Variants in CAST observed in about 807,000 individuals in gnomAD.
The protein encoded by CAST is calpastatin.
CAST carries 76 observed loss-of-function variants against 119.6 expected under a neutral mutation model. That is an observed-to-expected ratio of 0.64 (90% CI 0.53 to 0.77). The LOEUF is 0.77. CAST is among the 30% of genes least tolerant of loss of function. CAST has a pLI of 0.00. For missense variants in CAST, 953 were observed against 946.5 expected, an observed-to-expected ratio of 1.01 and a Z score of -0.09; for synonymous variants, 319 against 331.6, an observed-to-expected ratio of 0.96 and a Z score of 0.41.
At chr5:96,066,325 T>C in the CAST span, among the ~76,000 whole-genome samples, 1 of 152,140 alleles carries the variant, frequency 6.6e-6, no homozygotes, top group South Asian at 2.1e-4. Context: ...GACTCTCTTT[T>C]CCCCATTGTC....
At chr5:96,245,145 T>G in the CAST span, among the ~76,000 whole-genome samples, 2 of 152,230 alleles carry the variant, frequency 1.3e-5, no homozygotes, top group Non-Finnish European at 2.9e-5. Context: ...TAGAAAACTT[T>G]CTAAATTCTA....
the CAST span, among the ~76,000 whole-genome samples, chr5:96,256,913 T>C: frequency 6.6e-6 from 1 of 152,166 alleles, no homozygotes; most frequent in African/African-American, 2.4e-5. Context: ...GGTTATTTAA[T>C]TGATGACACT....
intron 1 of CAST, among the ~76,000 whole-genome samples, chr5:96,545,843 T>C (rs1364224448): frequency 6.6e-6 from 1 of 152,240 alleles, no homozygotes; most frequent in Non-Finnish European, 1.5e-5. Context: ...TGAATGTCCT[T>C]TGATAACCAT....
the CAST span, among the ~76,000 whole-genome samples, chr5:96,421,181 C>T: frequency 6.6e-6 from 1 of 152,210 alleles, no homozygotes; most frequent in African/African-American, 2.4e-5. Context: ...CTTTCTTTCA[C>T]CTCTCCCTTT....
intron 3 of CAST, among the ~76,000 whole-genome samples, chr5:96,721,427 C>T (rs544290940): frequency 1.6e-4 from 24 of 152,070 alleles, no homozygotes; most frequent in Non-Finnish European, 2.8e-4. Flanking sequence ...TTCATACAAT[C>T]ACCTTGAGTG....
intron 2 of CAST, among the ~76,000 whole-genome samples, chr5:96,686,169 CTTT>C (rs11357771): frequency 6.7e-6 from 1 of 149,410 alleles, no homozygotes; most frequent in African/African-American, 2.5e-5. Context: ...TTGATTATTC[CTTT>C]TTTTTTTCAC....
At chr5:96,429,043 T>C in the CAST span, among the ~76,000 whole-genome samples, 1 of 152,130 alleles carries the variant, frequency 6.6e-6, no homozygotes, top group African/African-American at 2.4e-5. Flanking sequence ...CTTGTTATTA[T>C]TATGTGCCAT....
the CAST span, among the ~76,000 whole-genome samples, chr5:95,964,197 T>C: frequency 6.6e-6 from 1 of 152,342 alleles, no homozygotes; most frequent in African/African-American, 2.4e-5. Context: ...TGTCTTTTCA[T>C]TGATGTCTCA....
At chr5:96,107,470 C>T in the CAST span, among the ~76,000 whole-genome samples, 1 of 151,814 alleles carries the variant, frequency 6.6e-6, no homozygotes, top group South Asian at 2.1e-4. Context: ...TTTTATTTCT[C>T]CTTCACTTAT....
At chr5:96,547,332 T>A (rs73150282) in intron 1 of CAST, among the ~76,000 whole-genome samples, 1 of 152,104 alleles carries the variant, frequency 6.6e-6, no homozygotes, top group South Asian at 2.1e-4. Flanking sequence ...TAACTCCCAG[T>A]TCCAGGCTGA....
chr5:96,099,811 T>G, the CAST span, among the ~76,000 whole-genome samples: 1 of 152,070 alleles, frequency 6.6e-6, no homozygotes, highest in Non-Finnish European at 1.5e-5. Context: ...CTCTGCCAGG[T>G]TTTGGTATCA....
the CAST span, among the ~76,000 whole-genome samples, chr5:96,272,295 G>T: frequency 6.6e-6 from 1 of 152,084 alleles, no homozygotes; most frequent in Admixed American, 6.5e-5. Flanking sequence ...ATATATTGAA[G>T]ATATCTCTGT....
At chr5:96,410,766 C>A in the CAST span, 1 of 1,608,996 alleles carries the variant, frequency 6.2e-7, no homozygotes, top group Admixed American at 1.7e-5. Flanking sequence ...TAGACAAAAG[C>A]AACATACGAT....
chr5:96,637,761 A>G (rs1747903475), intron 1 of CAST, among the ~76,000 whole-genome samples: 2 of 152,304 alleles, frequency 1.3e-5, no homozygotes, highest in South Asian at 2.1e-4. Context: ...TTTGGGCAAA[A>G]CAATGTCTTA....
At chr5:96,548,990 G>A (rs538656596) in intron 1 of CAST, among the ~76,000 whole-genome samples, 2 of 152,264 alleles carry the variant, frequency 1.3e-5, no homozygotes, top group South Asian at 2.1e-4. Context: ...CATGCTACTG[G>A]CCACTGCAAG....
In CAST at chr5:96,726,859, G is replaced by GGTGATGTT. The variant is rs747832560; in HGVS notation, c.336+3_336+10dup. The GGTGATGTT allele has an allele frequency of 6.2e-7, 1 of 1,610,088 alleles. No individual in the cohort carries two copies. The highest frequency in any genetic ancestry group is 1.7e-5 in the Admixed American group (1 of 59,802). ...CTAACAAGAAAAAACACAAAAAACA[G>GGTGATGTT]GTGATGTTGTTCATTGTACTAGGGC... On this transcript the variant is annotated frameshift_variant and splice_region_variant. Transcript: ENST00000675179. LOFTEE classifies it high-confidence loss of function.
the CAST span, chr5:96,391,953 GAGA>G: frequency 6.6e-6 from 1 of 152,170 alleles, no homozygotes; most frequent in South Asian, 2.1e-4. Flanking sequence ...GATAGGATTG[GAGA>G]AGAACTTTTA....
At chr5:96,473,536 T>C in the CAST span, among the ~76,000 whole-genome samples, 1 of 152,246 alleles carries the variant, frequency 6.6e-6, no homozygotes, top group Non-Finnish European at 1.5e-5. Context: ...CTTGTTCTCA[T>C]GGCCACAGAA....
chr5:96,588,010 G>T (rs1746888293), intron 1 of CAST, among the ~76,000 whole-genome samples: 1 of 151,984 alleles, frequency 6.6e-6, no homozygotes, highest in African/African-American at 2.4e-5. Context: ...TGGCACTCTA[G>T]CTGTATAGAG....
Sources: gnomAD v4.1 joint callset for allele counts (sites outside exome capture counted in the v4.1 genomes callset) on GRCh38, gnomAD v4.1.1 for gene constraint, MANE v1.5 for transcripts, NCBI Gene and HGNC (gene_info 2026-07-23, HGNC 2026-07-21) for gene names.